The following PALM variants were observed in gnomAD, a reference collection of about 807,000 sequenced individuals.
PALM encodes the protein paralemmin-1.
Under a neutral mutation model 30.7 loss-of-function variants are expected in PALM, and 18 were observed. The ratio of observed to expected loss-of-function variants is 0.59; its 90% CI spans 0.41 to 0.87. PALM has a LOEUF of 0.87. Among genes scored for constraint, PALM ranks in the 40% least tolerant of loss-of-function variants. The pLI, the probability that PALM is intolerant of heterozygous loss-of-function variation, is 0.00. For synonymous variants in PALM, 286 were observed against 242.8 expected, an observed-to-expected ratio of 1.18 and a Z score of -1.66; for missense variants, 529 against 555.4, an observed-to-expected ratio of 0.95 and a Z score of 0.48.
intron 1 of PALM, among the ~76,000 whole-genome samples, chr19:725,480 G>A (rs532105593): frequency 6.6e-6 from 1 of 152,148 alleles, no homozygotes; most frequent in Non-Finnish European, 1.5e-5. Context: ...AGAATCGCTT[G>A]AACCCAGGAG....
intron 1 of PALM, chr19:711,190 G>T: frequency 4.1e-6 from 4 of 984,702 alleles, no homozygotes; most frequent in Non-Finnish European, 4.8e-6. Flanking sequence ...CAGGGCCGAT[G>T]CTGCCAAGGT....
At chr19:739,703 C>G (rs369229722) in intron 7 of PALM, among the ~76,000 whole-genome samples, 7 of 151,848 alleles carry the variant, frequency 4.6e-5, no homozygotes, top group African/African-American at 7.3e-5. Flanking sequence ...AGGCTGGGCG[C>G]GGTGGCTCAC....
At position 710,543 on chromosome 19, in the gene PALM, C is replaced by G. The variant is rs986950580; in HGVS notation, c.5+1392C>G. Among the ~76,000 whole-genome samples, 3 of 152,192 alleles carry G rather than the reference C, an allele frequency of 2.0e-5. No individual in the cohort carries two copies. In the East Asian group the frequency reaches 5.8e-4, roughly 29 times the overall value. ...TGCCTAGGAGGACGACGGAGATCTC[C>G]CTCCCAGAGGAGGGGTGTCAGCGAA... is the stretch of plus-strand genomic sequence containing the variant. On this transcript the variant is annotated intron_variant, in intron 1 of 8. Transcript: ENST00000338448.
At chr19:731,644 C>G (rs145324387) in intron 5 of PALM, among the ~76,000 whole-genome samples, 1 of 151,976 alleles carries the variant, frequency 6.6e-6, no homozygotes, top group East Asian at 1.9e-4. Flanking sequence ...GCAGGAGACC[C>G]GGTGCTGGTG....
At chr19:733,674 G>A (rs7257535) in intron 5 of PALM, among the ~76,000 whole-genome samples, 72,104 of 152,034 alleles carry the variant, frequency 0.47, 17,472 homozygotes, top group African/African-American at 0.55. Context: ...CTGATGCGGG[G>A]GTATGTGGGG....
chr19:730,789 C>T (rs910138861), intron 4 of PALM, among the ~76,000 whole-genome samples: 11 of 152,074 alleles, frequency 7.2e-5, no homozygotes, highest in Admixed American at 1.3e-4. Context: ...CACCTGAGGT[C>T]GGGAGTTCAA....
In PALM at chr19:735,148, AGGT is replaced by A. The variant is rs1479245225; in HGVS notation, c.443-869_443-867del. 2.6e-5 allele frequency: 9 copies of A among 352,434 alleles called. No individual in the cohort carries two copies. The African/African-American group carries it at 2.6e-4, about 10-fold the overall frequency. The allele number at this position is 352,434 out of a possible 1,614,324, so 21.8% of individuals were successfully genotyped here. A position where few individuals can be genotyped will look rare whatever the true frequency, so the allele number is the denominator to read the frequency against. ...GTGCGGGGCCTGTGTCTGGGGGCCC[AGGT>A]GCCTGTGTCCTGGTGTCTGGGTGGG... On this transcript the variant is annotated intron_variant, in intron 6 of 8. Transcript: ENST00000338448.
In PALM at chr19:746,311, G is replaced by A. The variant is rs201235983; in HGVS notation, c.661G>A (p.Glu221Lys). The A allele has an allele frequency of 1.4e-5, 22 of 1,613,598 alleles. No individual in the cohort carries two copies. Among genetic ancestry groups the A allele is most frequent in the East Asian group, 1.1e-4 (5 of 44,866 alleles). The change falls in exon 9 of 9, where the codon GAG becomes AAG. Residue 221 changes from glutamate (E) to lysine (K), a missense_variant. Transcript: ENST00000338448. The surrounding 1 kb of genome is among the most constrained non-coding windows in gnomAD (Gnocchi z 7.1). ...GGTCCATGCTGTGGACGGCACCGCC[G>A]AGAACGGGATCCACCCCCTGAGCTC... ...KVVHAVDGTA[E>K]NGIHPLSSSE...
chr19:733,952 C>T (rs1015021253), intron 5 of PALM, among the ~76,000 whole-genome samples: 3 of 152,174 alleles, frequency 2.0e-5, no homozygotes, highest in African/African-American at 7.2e-5. Flanking sequence ...CCCCATTGCA[C>T]TCCGGCCTGG....
At chr19:728,850 A>G (rs1028709527) in intron 4 of PALM, among the ~76,000 whole-genome samples, 4 of 152,032 alleles carry the variant, frequency 2.6e-5, no homozygotes, top group Admixed American at 2.6e-4. Flanking sequence ...AAAAATACAA[A>G]AAAATTAGCC....
chr19:730,912 G>A (rs2032848667), intron 4 of PALM, among the ~76,000 whole-genome samples, 183 bp from the exon 5 acceptor site: 1 of 152,016 alleles, frequency 6.6e-6, no homozygotes, highest in Non-Finnish European at 1.5e-5. Context: ...GAGGCAGGAG[G>A]ATCACTTGAA....
At chr19:730,163 A>G (rs901440401) in intron 4 of PALM, among the ~76,000 whole-genome samples, 2 of 151,966 alleles carry the variant, frequency 1.3e-5, no homozygotes, top group Admixed American at 1.3e-4. Context: ...CTCCAGGCTG[A>G]CTGTGGGCTC....
intron 2 of PALM, 23 bp from the exon 3 acceptor site, chr19:726,985 A>AGCCCCCCCCCCCCCCC: frequency 1.1e-6 from 1 of 945,362 alleles, no homozygotes; most frequent in Non-Finnish European, 1.6e-6. Context: ...CCCATCCCTG[A>AGCCCCCCCCCCCCCCC]CCCCACCCGG....
At chr19:734,610 C>A in intron 6 of PALM, 1 of 195,758 alleles carries the variant, frequency 5.1e-6, no homozygotes, top group Non-Finnish European at 1.1e-5. Flanking sequence ...CTCTGGGAGG[C>A]TGAGACAGGT....
chr19:746,658 G>A lies in PALM; in HGVS notation c.1008G>A (p.Glu336=), dbSNP rs2033353083. The A allele has an allele frequency of 6.2e-7, 1 of 1,611,794 alleles. No individual in the cohort carries two copies. Among genetic ancestry groups the A allele is most frequent in the African/African-American group, 1.3e-5 (1 of 74,880 alleles). Residue 336 remains glutamate, a synonymous_variant, in exon 9 of 9, where the codon GAG becomes GAA. Transcript: ENST00000338448. The surrounding 1 kb of genome is among the most constrained non-coding windows in gnomAD (Gnocchi z 7.1). ...TGGTGGTCATCGAAGACGCGGCTGAGCCCAAGGAGCCTGCACCACCCAACG... is the reference window on the plus strand; with the variant it reads ...TGGTGGTCATCGAAGACGCGGCTGAACCCAAGGAGCCTGCACCACCCAACG... ...AELVVIEDAA[E]PKEPAPPNGS...
chr19:718,145 G>A (rs533728482), intron 1 of PALM, among the ~76,000 whole-genome samples: 44 of 152,264 alleles, frequency 2.9e-4, no homozygotes, highest in African/African-American at 9.9e-4. Flanking sequence ...TCGCGCCACC[G>A]CACTCCAGCC....
chr19:737,480 G>A (rs920815182), intron 7 of PALM, among the ~76,000 whole-genome samples: 4 of 152,314 alleles, frequency 2.6e-5, no homozygotes, highest in Admixed American at 2.0e-4. Context: ...TCTAATGAGG[G>A]CCACAACCTC....
chr19:740,537 C>T (rs1437501075), intron 8 of PALM, 54 bp downstream of exon 8: 15 of 1,491,068 alleles, frequency 1.0e-5, no homozygotes, highest in African/African-American at 2.8e-5. Flanking sequence ...GCCCCGAACA[C>T]GTGTGCTCCC....
At chr19:715,136 C>T (rs1249002890) in intron 1 of PALM, among the ~76,000 whole-genome samples, 1 of 152,104 alleles carries the variant, frequency 6.6e-6, no homozygotes, top group African/African-American at 2.4e-5. Flanking sequence ...GGCGTGGTGG[C>T]GGGTGCCTAT....
Sources: gnomAD v4.1 joint callset for allele counts (sites outside exome capture counted in the v4.1 genomes callset) on GRCh38, gnomAD v4.1.1 for gene constraint, Gnocchi (gnomAD v3.1) non-coding constraint, MANE v1.5 for transcripts, NCBI Gene and HGNC (gene_info 2026-07-23, HGNC 2026-07-21) for gene names.